SUMF1: variants seen among roughly 807,000 people sequenced by gnomAD.
The protein encoded by SUMF1 is formylglycine-generating enzyme.
SUMF1 carries 48 observed loss-of-function variants against 47.6 expected under a neutral mutation model. That is an observed-to-expected ratio of 1.01 (90% CI 0.80 to 1.28). SUMF1 has a LOEUF of 1.28. Ranked by LOEUF, SUMF1 falls within the 50% of genes most tolerant of loss-of-function variation. SUMF1 has a pLI of 0.00. For missense variants in SUMF1, 571 were observed against 485.4 expected, an observed-to-expected ratio of 1.18 and a Z score of -1.66; for synonymous variants, 230 against 192.1, an observed-to-expected ratio of 1.20 and a Z score of -1.63.
In SUMF1 at chr3:4,284,279, G is replaced by T. The variant is rs374559984; in HGVS notation, c.1014+92051C>A. On this transcript the variant is annotated intron_variant and NMD_transcript_variant, in intron 8 of 12. Transcript: ENST00000448413. Reference sequence around the variant, plus strand: ...AAAAAAAAATTAGTCATGCATGGTGGCACGTGCCAGTAGTGCCAGCTACCC... The same window carrying T: ...AAAAAAAAATTAGTCATGCATGGTGTCACGTGCCAGTAGTGCCAGCTACCC... Among the ~76,000 whole-genome samples, 22 of 151,976 alleles carry T rather than the reference G, an allele frequency of 1.4e-4. No homozygotes were observed. In the East Asian group the frequency reaches 3.1e-3, roughly 21 times the overall value.
At position 4,254,359 on chromosome 3, in the gene SUMF1, C is replaced by A. The variant is rs1384608489; in HGVS notation, c.1014+121971G>T. ...AAACCAAAGGCAAAGAAGTTGAAAACTTTGAAAAAAAATTTAGAAGAATGT... is the reference window on the plus strand; with the variant it reads ...AAACCAAAGGCAAAGAAGTTGAAAAATTTGAAAAAAAATTTAGAAGAATGT... On this transcript the variant is annotated intron_variant and NMD_transcript_variant, in intron 8 of 12. Coordinates refer to the SUMF1 transcript ENST00000448413. Among the ~76,000 whole-genome samples the A allele has an allele frequency of 5.9e-5, 9 of 151,266 alleles. No individual in the cohort carries two copies. The East Asian group carries it at 1.4e-3, about 23-fold the overall frequency.
At chr3:4,075,105 T>C (rs936352080) in intron 8 of SUMF1, among the ~76,000 whole-genome samples, 1 of 152,116 alleles carries the variant, frequency 6.6e-6, no homozygotes, top group Admixed American at 6.6e-5. Context: ...AATAAAATAC[T>C]GGCAAACTGA....
chr3:4,417,046 G>A (rs1159713902), intron 6 of SUMF1, 82 bp downstream of exon 6: 5 of 1,275,656 alleles, frequency 3.9e-6, no homozygotes, highest in Non-Finnish European at 5.7e-6. Flanking sequence ...GTCACAAAGT[G>A]AGCAATGCCT....
intron 8 of SUMF1, among the ~76,000 whole-genome samples, chr3:4,155,274 G>T (rs1212965268): frequency 1.3e-5 from 2 of 151,264 alleles, no homozygotes; most frequent in East Asian, 3.9e-4. Flanking sequence ...CATGAAACAG[G>T]TATGGTAGAT....
At chr3:4,319,332 A>G (rs188387747) in intron 8 of SUMF1, among the ~76,000 whole-genome samples, 79 of 152,324 alleles carry the variant, frequency 5.2e-4, no homozygotes, top group Non-Finnish European at 9.1e-4. Context: ...TGTTGCCATG[A>G]AAGAAGTATT....
At chr3:4,420,898 G>A (rs78826496) in intron 3 of SUMF1, among the ~76,000 whole-genome samples, 2,725 of 152,220 alleles carry the variant, frequency 0.018, 27 homozygotes, top group African/African-American at 0.025. Context: ...AAAAGACCCC[G>A]ATTCAACTTC....
chr3:4,118,589 T>C (rs12107871), intron 8 of SUMF1, among the ~76,000 whole-genome samples: 12,230 of 152,112 alleles, frequency 0.08, 1,247 homozygotes, highest in African/African-American at 0.21. Context: ...ACTTATTGTA[T>C]CCACTTTGTC....
chr3:4,184,680 G>A (rs1445177640), intron 8 of SUMF1, among the ~76,000 whole-genome samples: 4 of 139,982 alleles, frequency 2.9e-5, no homozygotes, highest in Admixed American at 2.2e-4. Flanking sequence ...AGACAGTCTT[G>A]CTCTGCTGCC....
chr3:4,155,805 A>G (rs1354713781), intron 8 of SUMF1, among the ~76,000 whole-genome samples: 1 of 151,174 alleles, frequency 6.6e-6, no homozygotes, highest in East Asian at 1.9e-4. Context: ...CCATTTCCAG[A>G]GGGGAAATGC....
At chr3:4,456,770 A>ATGTG (rs2079632846) in intron 1 of SUMF1, among the ~76,000 whole-genome samples, 1 of 39,256 alleles carries the variant, frequency 2.5e-5, no homozygotes, top group Non-Finnish European at 5.8e-5. Flanking sequence ...GTGTATATAT[A>ATGTG]CACATATATA....
chr3:4,291,816 A>C (rs1395511601), intron 8 of SUMF1, among the ~76,000 whole-genome samples: 2 of 152,158 alleles, frequency 1.3e-5, no homozygotes, highest in African/African-American at 2.4e-5. Flanking sequence ...CCAACTATAT[A>C]ATCTCTCGCT....
intron 3 of SUMF1, among the ~76,000 whole-genome samples, chr3:4,440,031 C>T (rs899385737): frequency 6.6e-6 from 1 of 151,882 alleles, no homozygotes; most frequent in Non-Finnish European, 1.5e-5. Context: ...GTCAGAAATT[C>T]GAGACCAGCC....
intron 8 of SUMF1, among the ~76,000 whole-genome samples, chr3:4,293,084 C>T (rs12629840): frequency 2.0e-5 from 3 of 151,944 alleles, no homozygotes; most frequent in Admixed American, 1.3e-4. Context: ...GCTAAATGAA[C>T]AACTAAATGA....
At chr3:4,257,904 C>T (rs1379323871) in intron 8 of SUMF1, among the ~76,000 whole-genome samples, 3 of 151,324 alleles carry the variant, frequency 2.0e-5, no homozygotes, top group Admixed American at 6.6e-5. Context: ...GTACTGGTAC[C>T]AAAACAGAGA....
chr3:4,316,443 A>G, intron 8 of SUMF1: 1 of 1,600,432 alleles, frequency 6.2e-7, no homozygotes, highest in Non-Finnish European at 8.5e-7. Context: ...CGACCAGTTG[A>G]GAGCAATCAT....
intron 3 of SUMF1, among the ~76,000 whole-genome samples, chr3:4,443,713 C>G (rs1287009795): frequency 6.6e-6 from 1 of 151,728 alleles, no homozygotes. Flanking sequence ...TGCAGTGAGC[C>G]AAGATCGTGC....
At chr3:4,176,652 A>T (rs994465507) in intron 8 of SUMF1, among the ~76,000 whole-genome samples, 1 of 152,232 alleles carries the variant, frequency 6.6e-6, no homozygotes, top group Non-Finnish European at 1.5e-5. Flanking sequence ...ATAACCAGTC[A>T]ACTTCATAAT....
rs112103569 is a variant in SUMF1 at position 4,199,426 on chromosome 3, A to G, written c.1015-130681T>C. Among the ~76,000 whole-genome samples, 123 of 152,280 alleles carry G rather than the reference A, an allele frequency of 8.1e-4. 3 individuals are homozygous for G. Among genetic ancestry groups the G allele is most frequent in the African/African-American group, 2.9e-3 (120 of 41,580 alleles). On this transcript the variant is annotated intron_variant and NMD_transcript_variant, in intron 8 of 12. Transcript: ENST00000448413. ...CCAACTTTGAGGTATTATAAGTAAG[A>G]TGAACATTCAGATACAAGTCTTTGT... is the stretch of plus-strand genomic sequence containing the variant.
At chr3:4,189,896 C>T (rs1045844979) in intron 8 of SUMF1, among the ~76,000 whole-genome samples, 2 of 152,152 alleles carry the variant, frequency 1.3e-5, no homozygotes, top group Non-Finnish European at 2.9e-5. Context: ...ACTGCCTTTT[C>T]TGCCTCATGT....
Sources: allele counts gnomAD v4.1 joint callset (sites outside exome capture counted in the v4.1 genomes callset), GRCh38; gene constraint gnomAD v4.1.1; transcripts MANE v1.5; gene names NCBI Gene and HGNC (gene_info 2026-07-23, HGNC 2026-07-21).